FHIP2B: variants seen among roughly 807,000 people sequenced by gnomAD.
The protein encoded by FHIP2B is FHF complex subunit HOOK-interacting protein 2B.
FHIP2B carries 72 observed loss-of-function variants against 84.0 expected under a neutral mutation model. The ratio of observed to expected loss-of-function variants is 0.86; its 90% confidence interval spans 0.71 to 1.04. The LOEUF (loss-of-function observed/expected upper bound fraction) is 1.04. Ranked by LOEUF, FHIP2B falls within the 50% of genes least tolerant of loss-of-function variation. The pLI is 0.00. For missense variants in FHIP2B, 972 were observed against 968.9 expected, an observed-to-expected ratio of 1.00 and a Z score of -0.04; for synonymous variants, 497 against 418.7, an observed-to-expected ratio of 1.19 and a Z score of -2.28.
At chr8:22,092,843 G>T (rs1351475055) in intron 1 of FHIP2B, among the ~76,000 whole-genome samples, 1 of 152,152 alleles carries the variant, frequency 6.6e-6, no homozygotes, top group Non-Finnish European at 1.5e-5. Context: ...AGTTACCCCT[G>T]TTTTTCTGAG....
In FHIP2B at chr8:22,097,755, T is replaced by C; in HGVS notation, c.441T>C (p.Val147=). 1.2e-6 allele frequency: 2 copies of C among 1,613,416 alleles called. No individual in the cohort carries two copies. Among genetic ancestry groups the C allele is most frequent in the Non-Finnish European group, 1.7e-6 (2 of 1,179,808 alleles). ...LRLGGTASGS[V]TEKEEVQFTT... ...TTGGTGGGACTGCTTCCGGATCCGT[T>C]ACAGAAAAGGAGGAGGTGCAGTTCA... Residue 147 remains valine (V), a synonymous_variant, in exon 5 of 17, where the codon GTT becomes GTC. Transcript: ENST00000289921.
chr8:22,100,369 T>C, intron 10 of FHIP2B: 1 of 457,020 alleles, frequency 2.2e-6, no homozygotes, highest in East Asian at 3.5e-5. Flanking sequence ...CGAATTGGCT[T>C]GCCTGAAATT....
At position 22,102,221 on chromosome 8, in the gene FHIP2B, C is replaced by T; in HGVS notation, c.1898C>T (p.Ala633Val). 2 of 1,613,466 alleles carry T rather than the reference C, an allele frequency of 1.2e-6. No individual in the cohort carries two copies. The highest frequency in any genetic ancestry group is 2.2e-5 in the East Asian group (1 of 44,872). The change falls in exon 15 of 17, where the codon GCC becomes GTC. Residue 633 changes from alanine (A) to valine (V), a missense_variant. By Grantham distance (64) the Ala-to-Val change is moderately conservative. Transcript: ENST00000289921. ...GTGACCTCGGTCCTGTCCCGGCTTG[C>T]CCTCTTCCCCCACCCCCATATTCAT... is the stretch of plus-strand genomic sequence containing the variant. ...LQVTSVLSRL[A>V]LFPHPHIHEY...
intron 2 of FHIP2B, chr8:22,095,040 T>G (rs1825689283): frequency 3.3e-6 from 1 of 306,104 alleles, no homozygotes; most frequent in East Asian, 1.7e-4. Context: ...CCTTGGCACC[T>G]GGTCCCATCA....
intron 3 of FHIP2B, 128 bp downstream of exon 3, chr8:22,096,637 G>C: frequency 7.5e-7 from 1 of 1,325,182 alleles, no homozygotes; most frequent in Non-Finnish European, 9.9e-7. Context: ...TGCTGGGCCA[G>C]GCTGAGGTGG....
At chr8:22,102,057 C>T (rs1161431596) in intron 14 of FHIP2B, 118 bp from the exon 15 acceptor site, 4 of 1,571,146 alleles carry the variant, frequency 2.5e-6, no homozygotes, top group African/African-American at 2.7e-5. Context: ...GACACACACA[C>T]ATCACGTGAG....
Position 22,098,085 on chromosome 8 carries a change from T to C in FHIP2B, c.543T>C (p.Gly181=), listed in dbSNP as rs1479753177. 1 of 1,592,216 alleles carries C rather than the reference T, an allele frequency of 6.3e-7. No individual in the cohort carries two copies. Among genetic ancestry groups the C allele is most frequent in the Non-Finnish European group, 8.5e-7 (1 of 1,169,592 alleles). Residue 181 remains glycine (G), a synonymous_variant, in exon 6 of 17, where the codon GGT becomes GGC. Coordinates refer to ENST00000289921, the MANE Select transcript of FHIP2B (RefSeq NM_022749.7). Reference sequence around the variant, plus strand: ...CTTTTCAGGGTAAAAAGATTGTAGGTAGGAAGAAAGCATGCGGAGAACCCA... The same window carrying C: ...CTTTTCAGGGTAAAAAGATTGTAGGCAGGAAGAAAGCATGCGGAGAACCCA... ...AYILEGKKIV[G]RKKACGEPTA...
Position 22,094,452 on chromosome 8 carries a change from A to G in FHIP2B, c.58A>G (p.Ile20Val). ...QEAVGAREPSIDLLQAFVEHW... is the reference protein window; with the variant it reads ...QEAVGAREPSVDLLQAFVEHW... ...CTGCCCTCCGCAGCGCGAGCCCAGCATTGACCTGCTGCAGGCCTTCGTGGA... is the reference window on the plus strand; with the variant it reads ...CTGCCCTCCGCAGCGCGAGCCCAGCGTTGACCTGCTGCAGGCCTTCGTGGA... Residue 20 changes from isoleucine (I) to valine (V), a missense_variant, in exon 2 of 17, where the codon ATT (isoleucine) becomes GTT (valine). Transcript: ENST00000289921. The G allele has an allele frequency of 6.2e-7, 1 of 1,610,520 alleles. No homozygotes were observed. The highest frequency in any genetic ancestry group is 1.1e-5 in the South Asian group (1 of 90,940).
intron 2 of FHIP2B, chr8:22,095,031 C>A (rs1563591188): frequency 5.6e-6 from 2 of 355,812 alleles, no homozygotes; most frequent in South Asian, 9.3e-5. Context: ...GAGCCAAAGC[C>A]TTGGCACCTG....
chr8:22,101,375 G>A, intron 12 of FHIP2B, 65 bp from the exon 13 acceptor site: 2 of 1,335,104 alleles, frequency 1.5e-6, no homozygotes, highest in Non-Finnish European at 2.1e-6. Context: ...AGGGAGATGG[G>A]GTCCCACAAG....
intron 1 of FHIP2B, among the ~76,000 whole-genome samples, chr8:22,094,222 G>C (rs1260257087): frequency 1.3e-5 from 2 of 152,180 alleles, no homozygotes; most frequent in African/African-American, 4.8e-5. Context: ...CAGGAGGGAG[G>C]GGTATCTAGG....
intron 1 of FHIP2B, among the ~76,000 whole-genome samples, chr8:22,090,427 C>G (rs535460416): frequency 1.3e-5 from 2 of 152,166 alleles, no homozygotes; most frequent in Non-Finnish European, 2.9e-5. Context: ...TGCTGTTGAC[C>G]CAGGGCCAGG....
chr8:22,101,567 C>G (rs948801246), intron 13 of FHIP2B, 37 bp downstream of exon 13: 1 of 1,593,420 alleles, frequency 6.3e-7, no homozygotes, highest in Non-Finnish European at 8.6e-7. Context: ...ACTTCCTGTC[C>G]TTCAGAACAG....
At position 22,101,508 on chromosome 8, in the gene FHIP2B, AC is replaced by A; in HGVS notation, c.1686del (p.Tyr562Ter). The A allele has an allele frequency of 6.2e-7, 1 of 1,612,652 alleles. No homozygotes were observed. The highest frequency in any genetic ancestry group is 8.5e-7 in the Non-Finnish European group (1 of 1,179,096). On this transcript the variant is annotated frameshift_variant, in exon 13 of 17. Coordinates refer to ENST00000289921, the MANE Select transcript of FHIP2B (RefSeq NM_022749.7). LOFTEE classifies it high-confidence loss of function. ...AFLEETGYDT[Y>X]VHDAYGLFQE... ...CTGGAGGAGACAGGCTATGACACAT[AC>A]GTCCACGATGCTTATGGCCTGGTGA...
In FHIP2B at chr8:22,100,741, T is replaced by G. The variant is rs1051806158; in HGVS notation, c.1487+2T>G. The G allele has an allele frequency of 6.2e-7, 1 of 1,605,018 alleles. No individual in the cohort carries two copies. Among genetic ancestry groups the G allele is most frequent in the Non-Finnish European group, 8.5e-7 (1 of 1,174,362 alleles). On this transcript the variant is annotated splice_donor_variant, in intron 11 of 16. Coordinates refer to ENST00000289921, the MANE Select transcript of FHIP2B (RefSeq NM_022749.7). LOFTEE classifies it high-confidence loss of function. ...GCCTGAGAGCTATGAGGACACCCTGTAAGTGAAACCGGCGCCCTTTGGACT... is the reference window on the plus strand; with the variant it reads ...GCCTGAGAGCTATGAGGACACCCTGGAAGTGAAACCGGCGCCCTTTGGACT...
In FHIP2B at chr8:22,089,295, G is replaced by GGC. The variant is rs1343884309; in HGVS notation, c.44_45dup (p.Glu17AlafsTer41). 1.1e-5 allele frequency: 11 copies of GGC among 1,032,590 alleles called. No homozygotes were observed. Among genetic ancestry groups the GGC allele is most frequent in the Non-Finnish European group, 1.3e-5 (11 of 862,222 alleles). The allele number at this position is 1,032,590 out of a possible 1,614,324, so 64.0% of individuals were successfully genotyped here. On this transcript the variant is annotated frameshift_variant, in exon 1 of 17. Coordinates refer to ENST00000289921, the MANE Select transcript of FHIP2B (RefSeq NM_022749.7). LOFTEE classifies it high-confidence loss of function. ...GGGCGCTGCTGCAGGAAGCCGTGGG[G>GGC]GCGGTGAGGCCGGCAGGGCCGGGCC...
intron 2 of FHIP2B, 131 bp downstream of exon 2, chr8:22,094,649 G>T (rs192150966): frequency 6.6e-7 from 1 of 1,520,380 alleles, no homozygotes; most frequent in Non-Finnish European, 8.7e-7. Flanking sequence ...CCGAGTTCAC[G>T]GAGACAGAGA....
intron 11 of FHIP2B, 50 bp downstream of exon 11, chr8:22,100,789 A>G: frequency 6.2e-7 from 1 of 1,611,842 alleles, no homozygotes; most frequent in Non-Finnish European, 8.5e-7. Flanking sequence ...TAGCACTCGC[A>G]CGCTCACTCT....
At chr8:22,095,216 C>T (rs1159826876) in intron 2 of FHIP2B, 1 of 152,304 alleles carries the variant, frequency 6.6e-6, no homozygotes, top group Non-Finnish European at 1.5e-5. Context: ...TTCCTACAGG[C>T]TTTCTTTCCA....
Sources: gnomAD v4.1 joint callset for allele counts (sites outside exome capture counted in the v4.1 genomes callset) on GRCh38, gnomAD v4.1.1 for gene constraint, MANE v1.5 for transcripts, NCBI Gene and HGNC (gene_info 2026-07-23, HGNC 2026-07-21) for gene names.